The following CADPS variants were observed in gnomAD, a reference collection of about 807,000 sequenced individuals.
CADPS encodes calcium dependent secretion activator.
A neutral mutation model predicts 167.3 loss-of-function variants in CADPS; 57 were observed. The observed-to-expected ratio is 0.34, with a 90% CI of 0.28 to 0.42. The LOEUF (loss-of-function observed/expected upper bound fraction) is 0.42. CADPS is among the 20% of genes least tolerant of loss of function. The pLI is 1.00. For missense variants in CADPS, 1,414 were observed against 1,738.1 expected, an observed-to-expected ratio of 0.81 and a Z score of 3.32; for synonymous variants, 676 against 635.3, an observed-to-expected ratio of 1.06 and a Z score of -0.96.
intron 1 of CADPS, among the ~76,000 whole-genome samples, chr3:62,777,440 G>C (rs1253660011): frequency 6.6e-6 from 1 of 152,136 alleles, no homozygotes; most frequent in Non-Finnish European, 1.5e-5. Flanking sequence ...TCGCCATTCA[G>C]GATCCAGAAT....
chr3:62,499,736 A>T, intron 17 of CADPS: 1 of 153,426 alleles, frequency 6.5e-6, no homozygotes, highest in East Asian at 1.9e-4. Flanking sequence ...TGGAACGCTC[A>T]TTTTGAAAAT....
At chr3:62,869,847 C>G (rs1039129201) in intron 1 of CADPS, among the ~76,000 whole-genome samples, 1 of 152,106 alleles carries the variant, frequency 6.6e-6, no homozygotes, top group South Asian at 2.1e-4. Context: ...AGACACCTGT[C>G]CCCAAATCAC....
At chr3:62,416,047 G>A (rs1041499809) in intron 28 of CADPS, among the ~76,000 whole-genome samples, 9 of 152,114 alleles carry the variant, frequency 5.9e-5, no homozygotes. Flanking sequence ...TTCAGAATGC[G>A]GGTTTTCTAG....
At chr3:62,608,392 C>T (rs1251153943) in intron 6 of CADPS, among the ~76,000 whole-genome samples, 1 of 151,768 alleles carries the variant, frequency 6.6e-6, no homozygotes, top group Non-Finnish European at 1.5e-5. Context: ...ACGTGATCCT[C>T]TCACCTCAAA....
chr3:62,824,389 C>T (rs1363717396), intron 1 of CADPS, among the ~76,000 whole-genome samples: 2 of 152,052 alleles, frequency 1.3e-5, no homozygotes, highest in Non-Finnish European at 2.9e-5. Context: ...ATGTTTTAGG[C>T]TATGGGAACA....
chr3:62,772,170 A>AT lies in CADPS; in HGVS notation c.442-6187dup, dbSNP rs888088331. On this transcript the variant is annotated intron_variant, in intron 1 of 29. Transcript: ENST00000383710. ...TAATAAAAACAATACAGGAAGTATT[A>AT]TTTTTTTCCCTATCATTTATCTTTT... Among the ~76,000 whole-genome samples the AT allele has an allele frequency of 3.5e-4, 54 of 152,210 alleles. 1 individual carries two copies. The East Asian group carries it at 8.7e-3, about 24-fold the overall frequency.
At chr3:62,530,821 AG>A in intron 13 of CADPS, 2 of 1,264,108 alleles carry the variant, frequency 1.6e-6, no homozygotes, top group South Asian at 1.3e-5. Context: ...GACTTTGGAG[AG>A]GGGGTGGTCG....
chr3:62,627,759 G>T (rs907129444), intron 6 of CADPS, among the ~76,000 whole-genome samples: 1 of 151,990 alleles, frequency 6.6e-6, no homozygotes, highest in Non-Finnish European at 1.5e-5. Flanking sequence ...CATCATGCTC[G>T]CTCGAGTCTG....
chr3:62,487,647 T>C (rs900425359), intron 21 of CADPS, among the ~76,000 whole-genome samples: 1 of 152,246 alleles, frequency 6.6e-6, no homozygotes, highest in African/African-American at 2.4e-5. Flanking sequence ...TTCGAAGAGA[T>C]GGAAGACTGT....
chr3:62,715,416 T>A, intron 3 of CADPS, among the ~76,000 whole-genome samples: 1 of 84,314 alleles, frequency 1.2e-5, no homozygotes, highest in South Asian at 3.2e-4. Context: ...TATATAAATA[T>A]ATATTTATAT....
intron 26 of CADPS, among the ~76,000 whole-genome samples, chr3:62,449,499 G>C (rs1014931086): frequency 6.6e-6 from 1 of 152,096 alleles, no homozygotes; most frequent in African/African-American, 2.4e-5. Flanking sequence ...CTTTTCTTAA[G>C]TTATCCATAT....
intron 9 of CADPS, among the ~76,000 whole-genome samples, chr3:62,558,081 T>C (rs1389685636): frequency 6.6e-6 from 1 of 152,246 alleles, no homozygotes; most frequent in African/African-American, 2.4e-5. Flanking sequence ...ACATGTTTTG[T>C]CCCCTTCTTC....
At chr3:62,742,887 C>T (rs951035628) in intron 3 of CADPS, among the ~76,000 whole-genome samples, 13 of 152,076 alleles carry the variant, frequency 8.5e-5, no homozygotes, top group African/African-American at 3.1e-4. Flanking sequence ...ATGCATCTGA[C>T]AAGGTCTAAT....
At chr3:62,588,799 A>T (rs1224093755) in intron 7 of CADPS, among the ~76,000 whole-genome samples, 2 of 152,234 alleles carry the variant, frequency 1.3e-5, no homozygotes, top group African/African-American at 4.8e-5. Context: ...GTCTAGGGTC[A>T]TATGAAAACT....
At chr3:62,860,905 T>C (rs543944255) in intron 1 of CADPS, among the ~76,000 whole-genome samples, 1 of 152,310 alleles carries the variant, frequency 6.6e-6, no homozygotes, top group South Asian at 2.1e-4. Flanking sequence ...CCTTATTCTC[T>C]GGGTGCCTAT....
In CADPS at chr3:62,875,415, T is replaced by C. The variant is rs761012486; in HGVS notation, c.-386A>G. 15 of 155,584 alleles carry C rather than the reference T, an allele frequency of 9.6e-5. No homozygotes were observed. Among genetic ancestry groups the C allele is most frequent in the Non-Finnish European group, 1.6e-4 (11 of 70,204 alleles). 9.6% of individuals were successfully genotyped at this position (155,584 alleles called of 1,614,324 possible). A position where few individuals can be genotyped will look rare whatever the true frequency, so the allele number is the denominator to read the frequency against. On this transcript the variant is annotated 5_prime_UTR_variant, in exon 1 of 30. Coordinates refer to ENST00000383710, the MANE Select transcript of CADPS (RefSeq NM_003716.4). ...AAGAGCCGAAGAGGCATCTTGCCGA[T>C]TGGGGAGGGAGCGGCGCTTACGTGT... is the stretch of plus-strand genomic sequence containing the variant.
chr3:62,607,746 C>A (rs1006828503), intron 6 of CADPS, among the ~76,000 whole-genome samples: 1 of 152,320 alleles, frequency 6.6e-6, no homozygotes. Context: ...GGGTTCCCAT[C>A]ATCCTACTGA....
chr3:62,815,555 C>A (rs1482887959), intron 1 of CADPS, among the ~76,000 whole-genome samples: 1 of 152,014 alleles, frequency 6.6e-6, no homozygotes, highest in Non-Finnish European at 1.5e-5. Context: ...CTCTGACATT[C>A]ATTATGCTTC....
chr3:62,818,639 A>G (rs1559767569), intron 1 of CADPS, among the ~76,000 whole-genome samples: 1 of 152,202 alleles, frequency 6.6e-6, no homozygotes, highest in Non-Finnish European at 1.5e-5. Context: ...GGCAGATGAG[A>G]TAAACATATA....
Sources: allele counts gnomAD v4.1 joint callset (sites outside exome capture counted in the v4.1 genomes callset), GRCh38; gene constraint gnomAD v4.1.1; transcripts MANE v1.5; gene names NCBI Gene and HGNC (gene_info 2026-07-23, HGNC 2026-07-21).